SCAPER: variants seen among roughly 807,000 people sequenced by gnomAD.
SCAPER encodes the protein S-phase cyclin A associated protein in the ER.
In SCAPER, 98 loss-of-function variants were observed where a neutral mutation model predicts 182.2. That is an observed-to-expected ratio of 0.54 (90% confidence interval 0.46 to 0.64). The LOEUF is 0.64. SCAPER is among the 30% of genes least tolerant of loss of function. SCAPER has a pLI of 0.00. For missense variants in SCAPER, 1,432 were observed against 1,690.0 expected (o/e 0.85, Z 2.68); for synonymous variants, 605 against 564.6 (o/e 1.07, Z -1.01).
chr15:76,556,737 A>G (rs1305127761), intron 23 of SCAPER, among the ~76,000 whole-genome samples: 1 of 152,032 alleles, frequency 6.6e-6, no homozygotes, highest in Non-Finnish European at 1.5e-5. Context: ...TAATAAGCCT[A>G]TAAACCAAAA....
intron 1 of SCAPER, among the ~76,000 whole-genome samples, chr15:76,902,350 G>C (rs894991589): frequency 6.6e-6 from 1 of 152,220 alleles, no homozygotes; most frequent in South Asian, 2.1e-4. Context: ...ACTAGGCCAA[G>C]GGGAGCATGG....
At chr15:76,379,109 C>T (rs529706921) in intron 28 of SCAPER, among the ~76,000 whole-genome samples, 15 of 152,282 alleles carry the variant, frequency 9.9e-5, no homozygotes, top group African/African-American at 2.4e-5. Context: ...AGAAAAAATA[C>T]GTAGTCATTG....
intron 21 of SCAPER, among the ~76,000 whole-genome samples, chr15:76,622,161 T>A (rs2052137298): frequency 6.6e-6 from 1 of 152,220 alleles, no homozygotes; most frequent in Admixed American, 6.5e-5. Flanking sequence ...TCTCTGCCCC[T>A]TTCTAACTAG....
chr15:76,818,042 C>A (rs1297355086), intron 5 of SCAPER, among the ~76,000 whole-genome samples: 1 of 152,124 alleles, frequency 6.6e-6, no homozygotes, highest in Non-Finnish European at 1.5e-5. Flanking sequence ...TACCCAATGT[C>A]AAGAAATACT....
rs1253928823 is a variant in SCAPER, at chr15:76,600,571, T to A, written c.2711+21193A>T. Reference sequence around the variant, plus strand: ...TTCAAGCAATTATCCTGCCTCAGCCTCCCGAGTAGCTGGGATTACAGGCAC... The same window carrying A: ...TTCAAGCAATTATCCTGCCTCAGCCACCCGAGTAGCTGGGATTACAGGCAC... On this transcript the variant is annotated intron_variant, in intron 22 of 31. Coordinates refer to ENST00000563290, the MANE Select transcript of SCAPER (RefSeq NM_020843.4). Among the ~76,000 whole-genome samples the A allele has an allele frequency of 2.6e-5, 3 of 116,506 alleles. 1 individual carries two copies. Among genetic ancestry groups the A allele is most frequent in the African/African-American group, 7.8e-5 (3 of 38,700 alleles). 76.4% of individuals were successfully genotyped at this position (116,506 alleles called of 152,430 possible). A position where few individuals can be genotyped will look rare whatever the true frequency, so the allele number is the denominator to read the frequency against.
At chr15:76,489,450 A>T (rs2143266651) in intron 24 of SCAPER, among the ~76,000 whole-genome samples, 1 of 151,074 alleles carries the variant, frequency 6.6e-6, no homozygotes, top group Non-Finnish European at 1.5e-5. Context: ...TTTCTAGTCA[A>T]CTCCTCTCCC....
At chr15:76,480,450 C>G (rs904426464) in intron 24 of SCAPER, among the ~76,000 whole-genome samples, 9 of 152,206 alleles carry the variant, frequency 5.9e-5, no homozygotes, top group Non-Finnish European at 1.0e-4. Flanking sequence ...CCTGGCCCTG[C>G]AGGAGTGGCC....
At chr15:76,363,930 A>G (rs1349532559) in intron 29 of SCAPER, among the ~76,000 whole-genome samples, 1 of 152,168 alleles carries the variant, frequency 6.6e-6, no homozygotes, top group Non-Finnish European at 1.5e-5. Context: ...ACACCTGAAG[A>G]CCAGGCCTAG....
chr15:76,498,909 T>G (rs1221269490), intron 24 of SCAPER, among the ~76,000 whole-genome samples: 2 of 152,190 alleles, frequency 1.3e-5, no homozygotes, highest in Admixed American at 6.5e-5. Context: ...TAGCATGGAT[T>G]TACTATAGGC....
At chr15:76,868,736 T>C (rs567545312) in intron 2 of SCAPER, among the ~76,000 whole-genome samples, 3 of 151,978 alleles carry the variant, frequency 2.0e-5, no homozygotes, top group South Asian at 2.1e-4. Context: ...TTCAATGCAA[T>C]CCCTTTTCAA....
intron 23 of SCAPER, among the ~76,000 whole-genome samples, chr15:76,558,200 G>C (rs530997844): frequency 4.1e-4 from 62 of 152,158 alleles, no homozygotes; most frequent in African/African-American, 1.4e-3. Context: ...ACTATGAACA[G>C]AGTAAAAAGA....
At chr15:76,358,732 A>T (rs890272477) in intron 29 of SCAPER, among the ~76,000 whole-genome samples, 3 of 152,200 alleles carry the variant, frequency 2.0e-5, no homozygotes, top group African/African-American at 7.2e-5. Context: ...TAACATATGA[A>T]TTCTGGGAAA....
chr15:76,515,161 A>G (rs192457481), intron 23 of SCAPER, among the ~76,000 whole-genome samples: 1 of 152,318 alleles, frequency 6.6e-6, no homozygotes, highest in Non-Finnish European at 1.5e-5. Flanking sequence ...TCAGTATCAG[A>G]GGAACAATTC....
At chr15:76,537,320 C>G (rs904843841) in intron 23 of SCAPER, among the ~76,000 whole-genome samples, 8 of 152,052 alleles carry the variant, frequency 5.3e-5, no homozygotes, top group African/African-American at 1.7e-4. Flanking sequence ...TCAAACTATA[C>G]TGCAAGGCTA....
chr15:76,408,887 G>T (rs894410647), intron 26 of SCAPER, among the ~76,000 whole-genome samples: 4 of 151,978 alleles, frequency 2.6e-5, no homozygotes, highest in African/African-American at 9.7e-5. Flanking sequence ...CTAGGTTTCC[G>T]GTACCATCCT....
At chr15:76,807,894 C>T (rs1428490857) in intron 5 of SCAPER, among the ~76,000 whole-genome samples, 2 of 152,044 alleles carry the variant, frequency 1.3e-5, no homozygotes, top group Non-Finnish European at 2.9e-5. Flanking sequence ...AGAATTAATA[C>T]TTTTTGTGTA....
Position 76,771,019 on chromosome 15 carries a change from T to C in SCAPER, c.1248+723A>G, listed in dbSNP as rs558114236. 5.9e-5 allele frequency among the ~76,000 whole-genome samples: 9 copies of C among 152,268 alleles called. No homozygotes were observed. The East Asian group carries it at 1.7e-3, about 29-fold the overall frequency. ...CCTAATACCATGTGTTGTTAAGATC[T>C]GTCAGCATTAGGCATTAAATTTTAG... is the stretch of plus-strand genomic sequence containing the variant. On this transcript the variant is annotated intron_variant, in intron 10 of 31. Transcript: ENST00000563290.
chr15:76,549,679 TG>T (rs1249001325), intron 23 of SCAPER, among the ~76,000 whole-genome samples: 2 of 151,990 alleles, frequency 1.3e-5, no homozygotes, highest in Non-Finnish European at 2.9e-5. Flanking sequence ...CACACCAACA[TG>T]GCACATGTAT....
Position 76,574,253 on chromosome 15 carries a change from G to C in SCAPER, c.2743C>G (p.Gln915Glu). The C allele has an allele frequency of 6.2e-7, 1 of 1,611,728 alleles. No individual in the cohort carries two copies. The highest frequency in any genetic ancestry group is 1.1e-5 in the South Asian group (1 of 90,812). The change falls in exon 23 of 32, where the codon CAA (glutamine) becomes GAA (glutamate). Residue 915 changes from glutamine (Q) to glutamate (E), a missense_variant. By Grantham distance (29) the Gln-to-Glu change is conservative. Transcript: ENST00000563290. ...GAGCCACTGTCTTGAACTTGTACTTGTTTTAGAAGATCTTTGGCTAATCGC... is the reference window on the plus strand; with the variant it reads ...GAGCCACTGTCTTGAACTTGTACTTCTTTTAGAAGATCTTTGGCTAATCGC... ...LQRLAKDLLK[Q>E]VQVQDSGSWA...
Sources: gnomAD v4.1 joint callset for allele counts (sites outside exome capture counted in the v4.1 genomes callset) on GRCh38, gnomAD v4.1.1 for gene constraint, MANE v1.5 for transcripts, NCBI Gene and HGNC (gene_info 2026-07-23, HGNC 2026-07-21) for gene names.